The following USP53 variants were observed in gnomAD, a reference collection of about 807,000 sequenced individuals.
USP53 encodes the protein ubiquitin specific peptidase 53.
USP53 carries 71 observed loss-of-function variants against 94.9 expected under a neutral mutation model. The observed-to-expected ratio is 0.75, with a 90% confidence interval of 0.62 to 0.91. The LOEUF (loss-of-function observed/expected upper bound fraction) is 0.91, where lower values mean the gene tolerates loss of function less well. Ranked by LOEUF, USP53 falls within the 40% of genes least tolerant of loss-of-function variation. The probability of loss-of-function intolerance (pLI) is 0.00; values close to 1 mark genes in which losing one functional copy is unlikely to be tolerated. For missense variants in USP53, 1,173 were observed against 1,281.0 expected, an observed-to-expected ratio of 0.92 and a Z score of 1.29; for synonymous variants, 375 against 422.7, an observed-to-expected ratio of 0.89 and a Z score of 1.39.
At chr4:119,253,314 G>A (rs1227533284) in intron 7 of USP53, among the ~76,000 whole-genome samples, 1 of 152,006 alleles carries the variant, frequency 6.6e-6, no homozygotes, top group Non-Finnish European at 1.5e-5. Flanking sequence ...ATTGACAGTG[G>A]GGTGTTAAAG....
rs1313096304 is a variant in USP53 at position 119,271,563 on chromosome 4, A to G, written c.1703A>G (p.Asp568Gly). The change falls in exon 16 of 19, where the codon GAT (aspartate) becomes GGT (glycine). Residue 568 changes from aspartate (D) to glycine (G), a missense_variant. By Grantham distance (94) the Asp-to-Gly change is moderately conservative. Coordinates refer to ENST00000692078, the MANE Select transcript of USP53 (RefSeq NM_001371395.1). ...YDTDSSQDSR[D>G]RGNSCDSSSK... ...ACAGACAGCAGCCAAGATTCTAGGG[A>G]TAGAGGAAACAGCTGTGATAGCAGC... 6.2e-7 allele frequency: 1 copy of G among 1,613,804 alleles called. No individual in the cohort carries two copies. Among genetic ancestry groups the G allele is most frequent in the Non-Finnish European group, 8.5e-7 (1 of 1,180,036 alleles).
intron 12 of USP53, among the ~76,000 whole-genome samples, chr4:119,263,324 T>C (rs1219868233): frequency 6.6e-6 from 1 of 152,130 alleles, no homozygotes; most frequent in Non-Finnish European, 1.5e-5. Flanking sequence ...CTAGAGGTAG[T>C]TTCTGGGTTG....
chr4:119,240,646 C>A (rs1205315195), intron 5 of USP53, among the ~76,000 whole-genome samples: 1 of 152,012 alleles, frequency 6.6e-6, no homozygotes, highest in African/African-American at 2.4e-5. Context: ...TTTTCATATG[C>A]ATTGTTTTTT....
intron 10 of USP53, among the ~76,000 whole-genome samples, chr4:119,260,247 C>A (rs542417751): frequency 4.6e-5 from 7 of 152,118 alleles, no homozygotes; most frequent in African/African-American, 1.4e-4. Flanking sequence ...TTGTTACTGA[C>A]TTCAAGAGTT....
chr4:119,235,638 T>A (rs1746637185), intron 4 of USP53, among the ~76,000 whole-genome samples: 1 of 150,376 alleles, frequency 6.6e-6, no homozygotes, highest in Non-Finnish European at 1.5e-5. Flanking sequence ...ACATGATCTG[T>A]CTTTTTCCCA....
Position 119,243,834 on chromosome 4 carries a change from G to T in USP53, c.145-1503G>T, listed in dbSNP as rs73844716. On this transcript the variant is annotated intron_variant, in intron 5 of 18. Transcript: ENST00000692078. Reference sequence around the variant, plus strand: ...GGTATAACATTAGTGTGATTTTAATGTCTGAGAAGGAAAGTTATTTAATAC... The same window carrying T: ...GGTATAACATTAGTGTGATTTTAATTTCTGAGAAGGAAAGTTATTTAATAC... Among the ~76,000 whole-genome samples the T allele has an allele frequency of 3.7e-3, 558 of 150,510 alleles. 4 individuals are homozygous for T. Among genetic ancestry groups the T allele is most frequent in the African/African-American group, 0.013 (519 of 41,070 alleles).
intron 9 of USP53, among the ~76,000 whole-genome samples, chr4:119,257,796 T>C (rs1284715285): frequency 2.0e-5 from 3 of 152,222 alleles, no homozygotes; most frequent in Non-Finnish European, 4.4e-5. Context: ...AGTCAAATTG[T>C]AGTCAGTCGT....
chr4:119,243,162 C>T (rs1486017947), intron 5 of USP53, among the ~76,000 whole-genome samples: 1 of 152,052 alleles, frequency 6.6e-6, no homozygotes, highest in African/African-American at 2.4e-5. Flanking sequence ...TATCTTAAAC[C>T]TTAATTTTTT....
rs762893275 is a variant in USP53 at position 119,256,503 on chromosome 4, C to T, written c.549C>T (p.Tyr183=). 6.2e-7 allele frequency: 1 copy of T among 1,614,082 alleles called. No homozygotes were observed. The highest frequency in any genetic ancestry group is 1.7e-5 in the Admixed American group (1 of 60,024). The change falls in exon 9 of 19, where the codon TAC becomes TAT. Residue 183 remains tyrosine, a synonymous_variant. Transcript: ENST00000692078. ...TACCTTTTACAGAATTTGTGCGGTA[C>T]ATTTCTACAACAGCCTTATGGTAAG... ...DPLPFTEFVR[Y]ISTTALCNEV...
chr4:119,285,665 A>T (rs923614139), intron 17 of USP53, among the ~76,000 whole-genome samples: 1 of 151,934 alleles, frequency 6.6e-6, no homozygotes, highest in Non-Finnish European at 1.5e-5. Flanking sequence ...AGAAGTGTTT[A>T]TACATATACA....
At chr4:119,220,687 A>G (rs1744393542) in intron 3 of USP53, 1 of 152,168 alleles carries the variant, frequency 6.6e-6, no homozygotes, top group African/African-American at 2.4e-5. Flanking sequence ...ATGTATTTAA[A>G]CTTTTAGAAA....
chr4:119,251,605 T>C (rs1235263057), intron 7 of USP53, among the ~76,000 whole-genome samples: 1 of 144,552 alleles, frequency 6.9e-6, no homozygotes, highest in Non-Finnish European at 1.6e-5. Context: ...TTTCTAAATA[T>C]ACAATCATGT....
chr4:119,222,073 CTTAAA>C (rs1201783972), intron 3 of USP53, among the ~76,000 whole-genome samples: 2 of 152,054 alleles, frequency 1.3e-5, no homozygotes, highest in Non-Finnish European at 1.5e-5. Flanking sequence ...ATTTTTCAAG[CTTAAA>C]TTAACATTAA....
In USP53 at chr4:119,239,720, G is replaced by T. The variant is rs376020107; in HGVS notation, c.-40G>T. 3.2e-6 allele frequency: 5 copies of T among 1,574,108 alleles called. No homozygotes were observed. In the African/African-American group the frequency reaches 5.4e-5, roughly 17 times the overall value. ...ATTGTCCAAAATATTACATAAAAGT[G>T]TACAGTTTTTAGCCTAAATGCAAAC... is the stretch of plus-strand genomic sequence containing the variant. On this transcript the variant is annotated 5_prime_UTR_variant, in exon 5 of 19. Coordinates refer to ENST00000692078, the MANE Select transcript of USP53 (RefSeq NM_001371395.1).
At chr4:119,225,621 C>T (rs995917424) in intron 3 of USP53, among the ~76,000 whole-genome samples, 1 of 152,116 alleles carries the variant, frequency 6.6e-6, no homozygotes, top group Non-Finnish European at 1.5e-5. Flanking sequence ...TGGCGGGCGC[C>T]TGTAGTCCCA....
chr4:119,267,189 C>A, intron 12 of USP53, 131 bp from the exon 13 acceptor site: 1 of 667,636 alleles, frequency 1.5e-6, no homozygotes. Flanking sequence ...TTATATGATA[C>A]ATACTTGAAC....
intron 6 of USP53, among the ~76,000 whole-genome samples, chr4:119,248,159 T>G (rs35197422): frequency 0.29 from 43,927 of 152,010 alleles, 6,517 homozygotes; most frequent in East Asian, 0.38. Context: ...TTGAAAATCA[T>G]ATTAACAACT....
At chr4:119,286,068 T>C (rs1296084390) in intron 17 of USP53, among the ~76,000 whole-genome samples, 1 of 151,898 alleles carries the variant, frequency 6.6e-6, no homozygotes, top group African/African-American at 2.4e-5. Flanking sequence ...TTAAAGTATC[T>C]CTCTACTCCT....
chr4:119,237,376 A>G (rs894491932), intron 4 of USP53, among the ~76,000 whole-genome samples: 1 of 152,108 alleles, frequency 6.6e-6, no homozygotes, highest in African/African-American at 2.4e-5. Context: ...CTGTGGCCAG[A>G]AAGGTGGCCG....
Sources: allele counts gnomAD v4.1 joint callset (sites outside exome capture counted in the v4.1 genomes callset), GRCh38; gene constraint gnomAD v4.1.1; transcripts MANE v1.5; gene names NCBI Gene and HGNC (gene_info 2026-07-23, HGNC 2026-07-21).